Variants in PTPRA observed in about 807,000 individuals in gnomAD.
The protein encoded by PTPRA is receptor-type tyrosine-protein phosphatase alpha.
PTPRA carries 25 observed loss-of-function variants against 104.8 expected under a neutral mutation model. That is an observed-to-expected ratio of 0.24 (90% confidence interval 0.17 to 0.33). The LOEUF (loss-of-function observed/expected upper bound fraction) is 0.33. Among genes scored for constraint, PTPRA ranks in the 10% least tolerant of loss-of-function variants. The pLI is 1.00. For missense variants in PTPRA, 765 were observed against 1,015.3 expected, an observed-to-expected ratio of 0.75 and a Z score of 3.35; for synonymous variants, 323 against 368.9, an observed-to-expected ratio of 0.88 and a Z score of 1.43.
At chr20:2,903,383 A>G (rs772960325) in intron 1 of PTPRA, among the ~76,000 whole-genome samples, 6 of 152,164 alleles carry the variant, frequency 3.9e-5, no homozygotes, top group Non-Finnish European at 5.9e-5. Context: ...TATTCCATTT[A>G]TATATAAGAA....
the PTPRA span, among the ~76,000 whole-genome samples, chr20:2,867,970 CAG>C: frequency 1.3e-5 from 2 of 152,310 alleles, no homozygotes; most frequent in South Asian, 2.1e-4. Flanking sequence ...CAGGTTGTAA[CAG>C]GGATGGTTTG....
chr20:2,959,564 C>CT (rs951666535), intron 3 of PTPRA, among the ~76,000 whole-genome samples: 5 of 151,118 alleles, frequency 3.3e-5, no homozygotes, highest in Non-Finnish European at 7.4e-5. Context: ...TTAAAATAGA[C>CT]TTTTTTTTTC....
intron 13 of PTPRA, among the ~76,000 whole-genome samples, chr20:3,020,041 C>A (rs1482256356): frequency 1.3e-5 from 2 of 152,176 alleles, no homozygotes; most frequent in Non-Finnish European, 2.9e-5. Context: ...CCAGCTTCGG[C>A]TCGGCATCGG....
In PTPRA at chr20:3,017,803, T is replaced by G; in HGVS notation, c.944-13T>G. On this transcript the variant is annotated splice_polypyrimidine_tract_variant and intron_variant, in intron 12 of 23. Coordinates refer to ENST00000399903, the MANE Select transcript of PTPRA (RefSeq NM_001385305.1). The stretch of plus-strand genomic sequence containing the variant: ...GTGTATATTCTCTTCATTTTTGCTG[T>G]TGGCTACTTTAGGACCAAAAGAAGA... 6.2e-7 allele frequency: 1 copy of G among 1,611,798 alleles called. No individual in the cohort carries two copies. The highest frequency in any genetic ancestry group is 8.5e-7 in the Non-Finnish European group (1 of 1,177,840).
intron 6 of PTPRA, among the ~76,000 whole-genome samples, chr20:2,984,391 G>C (rs2062815169): frequency 6.6e-6 from 1 of 152,086 alleles, no homozygotes; most frequent in Non-Finnish European, 1.5e-5. Flanking sequence ...CTCTTGGAAA[G>C]GTCACCAGTA....
intron 2 of PTPRA, among the ~76,000 whole-genome samples, chr20:2,937,021 G>T (rs1173756678): frequency 6.6e-6 from 1 of 151,804 alleles, no homozygotes; most frequent in South Asian, 2.1e-4. Flanking sequence ...GAATATATAT[G>T]TAGATAACTT....
intron 1 of PTPRA, among the ~76,000 whole-genome samples, chr20:2,881,839 A>AT (rs2090067611): frequency 6.6e-6 from 1 of 152,242 alleles, no homozygotes; most frequent in East Asian, 1.9e-4. Flanking sequence ...TGTCTCTACT[A>AT]AAAACACAGA....
chr20:2,892,871 CT>C (rs2058855051), intron 1 of PTPRA, among the ~76,000 whole-genome samples: 1 of 152,152 alleles, frequency 6.6e-6, no homozygotes, highest in Non-Finnish European at 1.5e-5. Context: ...CTAATTCTGT[CT>C]TTATTTTCTG....
At chr20:2,973,127 T>C (rs2062261842) in intron 5 of PTPRA, among the ~76,000 whole-genome samples, 1 of 151,050 alleles carries the variant, frequency 6.6e-6, no homozygotes, top group South Asian at 2.1e-4. Flanking sequence ...GTTTACTTTA[T>C]GTCTCCTTTT....
Position 2,936,468 on chromosome 20 carries a change from C to CT in PTPRA, c.-49-11504dup, listed in dbSNP as rs549993675. Among the ~76,000 whole-genome samples the CT allele has an allele frequency of 5.9e-3, 868 of 146,148 alleles. 8 individuals carry two copies. The highest frequency in any genetic ancestry group is 0.02 in the African/African-American group (791 of 39,882). On this transcript the variant is annotated intron_variant, in intron 2 of 23. Coordinates refer to ENST00000399903, the MANE Select transcript of PTPRA (RefSeq NM_001385305.1). ...ATGAGCCACCATGCCTGGCCTAGGT[C>CT]TTTTTTTTTTGAGACAGGGTCTCAC...
chr20:2,893,694 C>T (rs1304738244), intron 1 of PTPRA, among the ~76,000 whole-genome samples: 1 of 152,092 alleles, frequency 6.6e-6, no homozygotes, highest in African/African-American at 2.4e-5. Context: ...CTTGGGAAAT[C>T]TTTCACTCTG....
chr20:2,978,147 C>T (rs2062519739), intron 6 of PTPRA, among the ~76,000 whole-genome samples: 1 of 152,050 alleles, frequency 6.6e-6, no homozygotes, highest in Admixed American at 6.6e-5. Context: ...CCACTGAGTT[C>T]AGGAGTTGGA....
intron 5 of PTPRA, among the ~76,000 whole-genome samples, chr20:2,973,355 G>T (rs1016828970): frequency 1.3e-5 from 2 of 151,898 alleles, no homozygotes; most frequent in Admixed American, 6.6e-5. Context: ...AACATATTTA[G>T]TGCTGTGAAT....
intron 1 of PTPRA, among the ~76,000 whole-genome samples, chr20:2,912,530 A>G (rs575615): frequency 0.67 from 102,398 of 152,026 alleles, 36,149 homozygotes; most frequent in African/African-American, 0.87. Context: ...AGGCTGAGGC[A>G]GGAGGATCAC....
intron 1 of PTPRA, among the ~76,000 whole-genome samples, chr20:2,880,730 A>T (rs1326213242): frequency 2.0e-5 from 3 of 152,288 alleles, no homozygotes; most frequent in South Asian, 4.1e-4. Flanking sequence ...TTTTAATCGT[A>T]TGTAGAACCC....
chr20:2,947,808 G>C (rs569177908), intron 2 of PTPRA, among the ~76,000 whole-genome samples, 174 bp from the exon 3 acceptor site: 1 of 152,266 alleles, frequency 6.6e-6, no homozygotes, highest in South Asian at 2.1e-4. Context: ...TGAATATGGT[G>C]ACTTGCAGCC....
chr20:2,909,973 T>TC (rs2059589253), intron 1 of PTPRA, among the ~76,000 whole-genome samples: 2 of 117,430 alleles, frequency 1.7e-5, no homozygotes, highest in East Asian at 2.2e-4. Flanking sequence ...GATATATATA[T>TC]AATCTATCAT....
chr20:2,864,403 CGAG>C, the PTPRA span: 1 of 1,614,136 alleles, frequency 6.2e-7, no homozygotes, highest in Non-Finnish European at 8.5e-7. The surrounding 1 kb of genome is among the most constrained non-coding windows in gnomAD (Gnocchi z 5.2). Context: ...CGAGCTGAAC[CGAG>C]GAGATTTTTT....
chr20:3,026,395 G>A (rs2065148694), intron 17 of PTPRA, among the ~76,000 whole-genome samples: 1 of 152,176 alleles, frequency 6.6e-6, no homozygotes, highest in South Asian at 2.1e-4. Flanking sequence ...GGGTGGAACT[G>A]CAGAGTGGAC....
Sources: gnomAD v4.1 joint callset for allele counts (sites outside exome capture counted in the v4.1 genomes callset) on GRCh38, gnomAD v4.1.1 for gene constraint, Gnocchi (gnomAD v3.1) non-coding constraint, MANE v1.5 for transcripts, NCBI Gene and HGNC (gene_info 2026-07-23, HGNC 2026-07-21) for gene names.